The following MPZL1 variants were observed in gnomAD, a reference collection of about 807,000 sequenced individuals.
MPZL1 encodes the protein myelin protein zero-like protein 1.
In MPZL1, 16 loss-of-function variants were observed where a neutral mutation model predicts 29.3. That is an observed-to-expected ratio of 0.55 (90% CI 0.37 to 0.83). The LOEUF (loss-of-function observed/expected upper bound fraction) is 0.83. MPZL1 is among the 40% of genes least tolerant of loss of function. The pLI, the probability that MPZL1 is intolerant of heterozygous loss-of-function variation, is 0.00. For synonymous variants in MPZL1, 143 were observed against 132.0 expected (o/e 1.08, Z -0.57); for missense variants, 279 against 332.9 (o/e 0.84, Z 1.26).
At chr1:167,724,596 T>G (rs1558104996) in intron 1 of MPZL1, among the ~76,000 whole-genome samples, 1 of 152,026 alleles carries the variant, frequency 6.6e-6, no homozygotes, top group East Asian at 1.9e-4. Flanking sequence ...TGATCATAGG[T>G]TTTGGGCTTG....
intron 1 of MPZL1, among the ~76,000 whole-genome samples, chr1:167,750,640 T>C (rs527810111): frequency 2.0e-5 from 3 of 152,256 alleles, no homozygotes; most frequent in Non-Finnish European, 4.4e-5. Flanking sequence ...TTATAAATAA[T>C]TTAACATGTA....
intron 5 of MPZL1, among the ~76,000 whole-genome samples, chr1:167,783,666 A>C (rs1216468778): frequency 6.6e-6 from 1 of 152,206 alleles, no homozygotes; most frequent in Non-Finnish European, 1.5e-5. Context: ...TAGTTAGGCA[A>C]GTCACTTGCT....
intron 5 of MPZL1, among the ~76,000 whole-genome samples, chr1:167,784,429 G>C (rs373831980): frequency 2.2e-4 from 34 of 152,290 alleles, no homozygotes; most frequent in African/African-American, 8.2e-4. Context: ...GTTAATGTAG[G>C]TTTTGTTGTT....
intron 1 of MPZL1, among the ~76,000 whole-genome samples, chr1:167,739,310 C>T (rs12090547): frequency 0.068 from 6,714 of 98,360 alleles, 520 homozygotes; most frequent in African/African-American, 0.2. Flanking sequence ...TATATATATA[C>T]ACATATATAT....
At chr1:167,735,114 G>T (rs993679911) in intron 1 of MPZL1, among the ~76,000 whole-genome samples, 1 of 152,126 alleles carries the variant, frequency 6.6e-6, no homozygotes, top group African/African-American at 2.4e-5. Context: ...GCTCAAGCTG[G>T]GAATTTGAAT....
intron 1 of MPZL1, among the ~76,000 whole-genome samples, chr1:167,722,625 T>C (rs1428634817): frequency 6.6e-6 from 1 of 152,224 alleles, no homozygotes. Context: ...GGATTCTGAC[T>C]CAGGAACTAG....
intron 1 of MPZL1, among the ~76,000 whole-genome samples, chr1:167,751,322 A>T (rs1660750685): frequency 6.6e-6 from 1 of 152,232 alleles, no homozygotes; most frequent in African/African-American, 2.4e-5. Context: ...ACTTCAAGGA[A>T]CATGGAGTAG....
rs905586660 is a variant in MPZL1, at chr1:167,791,004, T to C, written c.*3083T>C. The C allele has an allele frequency of 6.6e-6, 1 of 152,206 alleles. No individual in the cohort carries two copies. Among genetic ancestry groups the C allele is most frequent in the African/African-American group, 2.4e-5 (1 of 41,440 alleles). 9.4% of individuals were successfully genotyped at this position (152,206 alleles called of 1,614,324 possible). Reference sequence around the variant, plus strand: ...TTCTGCCAATATTCCTGTGGTTTGCTCTCTGACTTCCTTTAAGCCTCTGCT... The same window carrying C: ...TTCTGCCAATATTCCTGTGGTTTGCCCTCTGACTTCCTTTAAGCCTCTGCT... On this transcript the variant is annotated 3_prime_UTR_variant, in exon 6 of 6. Coordinates refer to ENST00000359523, the MANE Select transcript of MPZL1 (RefSeq NM_003953.6).
rs11455159 is a variant in MPZL1 at position 167,756,429 on chromosome 1, ATTTTTTTTTTTT to A, written c.92-9140_92-9129del. Among the ~76,000 whole-genome samples the A allele has an allele frequency of 1.9e-3, 178 of 94,638 alleles. 2 individuals are homozygous for A. Among genetic ancestry groups the A allele is most frequent in the Admixed American group, 4.6e-3 (39 of 8,408 alleles). 62.1% of individuals were successfully genotyped at this position (94,638 alleles called of 152,430 possible). A position where few individuals can be genotyped will look rare whatever the true frequency, so the allele number is the denominator to read the frequency against. On this transcript the variant is annotated intron_variant, in intron 1 of 5. Transcript: ENST00000359523. ...GGCATGAGCCACCTTGTCTGGCCAG[ATTTTTTTTTTTT>A]TTTTTTTTTTTTTGGTAATCAAATA... is the stretch of plus-strand genomic sequence containing the variant.
chr1:167,747,836 C>T (rs1660677501), intron 1 of MPZL1, among the ~76,000 whole-genome samples: 1 of 152,080 alleles, frequency 6.6e-6, no homozygotes, highest in Admixed American at 6.6e-5. Flanking sequence ...CAGTGTGTTG[C>T]AGCCGTCATT....
intron 1 of MPZL1, among the ~76,000 whole-genome samples, chr1:167,724,604 T>G (rs1660104310): frequency 1.3e-5 from 2 of 152,148 alleles, no homozygotes; most frequent in Admixed American, 6.5e-5. Flanking sequence ...GGTTTTGGGC[T>G]TGGGAAGCTG....
At chr1:167,739,937 C>T (rs1054038991) in intron 1 of MPZL1, among the ~76,000 whole-genome samples, 36 of 152,188 alleles carry the variant, frequency 2.4e-4, no homozygotes, top group Admixed American at 1.2e-3. Context: ...TCCCATCCCT[C>T]CCTGCTTTTG....
At chr1:167,734,262 A>C (rs1437357323) in intron 1 of MPZL1, among the ~76,000 whole-genome samples, 1 of 151,956 alleles carries the variant, frequency 6.6e-6, no homozygotes, top group East Asian at 1.9e-4. Context: ...TCTCAAAAAA[A>C]AAAAAAGATA....
At chr1:167,764,056 C>T (rs907402294) in intron 1 of MPZL1, among the ~76,000 whole-genome samples, 4 of 152,188 alleles carry the variant, frequency 2.6e-5, no homozygotes, top group Non-Finnish European at 5.9e-5. Context: ...GCTGACAATA[C>T]TCTTCCTTAT....
At chr1:167,763,500 C>CA (rs199973930) in intron 1 of MPZL1, among the ~76,000 whole-genome samples, 24,002 of 110,788 alleles carry the variant, frequency 0.22, 2,140 homozygotes, top group East Asian at 0.4. Context: ...GACTCGGTCT[C>CA]AAAAAAAAAA....
Position 167,773,224 on chromosome 1 carries a change from C to G in MPZL1, c.473-12C>G, listed in dbSNP as rs1558123560. On this transcript the variant is annotated splice_polypyrimidine_tract_variant and intron_variant, in intron 3 of 5. Transcript: ENST00000359523. ...CAATGTACCTTAAAACTATTTTGTT[C>G]TTTCTCTCTAGAGAATTTGCCTGTG... The G allele has an allele frequency of 1.2e-6, 2 of 1,608,518 alleles. No individual in the cohort carries two copies. Among genetic ancestry groups the G allele is most frequent in the Non-Finnish European group, 1.7e-6 (2 of 1,177,024 alleles).
At chr1:167,730,690 C>A (rs144949177) in intron 1 of MPZL1, among the ~76,000 whole-genome samples, 2 of 152,328 alleles carry the variant, frequency 1.3e-5, no homozygotes, top group South Asian at 2.1e-4. Flanking sequence ...TTCCTTGCCC[C>A]TCATTACACA....
intron 1 of MPZL1, among the ~76,000 whole-genome samples, chr1:167,733,150 C>T (rs1447628269): frequency 1.3e-5 from 2 of 152,176 alleles, no homozygotes; most frequent in Non-Finnish European, 2.9e-5. Flanking sequence ...ATCTATTTCA[C>T]TTGTAGGAAT....
At chr1:167,728,272 C>T (rs981622462) in intron 1 of MPZL1, among the ~76,000 whole-genome samples, 1 of 151,718 alleles carries the variant, frequency 6.6e-6, no homozygotes, top group African/African-American at 2.4e-5. Context: ...CAACTCCTGA[C>T]CTCAGGTGAT....
Sources: gnomAD v4.1 joint callset for allele counts (sites outside exome capture counted in the v4.1 genomes callset) on GRCh38, gnomAD v4.1.1 for gene constraint, MANE v1.5 for transcripts, NCBI Gene and HGNC (gene_info 2026-07-23, HGNC 2026-07-21) for gene names.